Variants in CLMN observed in about 807,000 individuals in gnomAD.
CLMN encodes the protein calmin (calponin-like, transmembrane).
CLMN carries 57 observed loss-of-function variants against 92.7 expected under a neutral mutation model. The ratio of observed to expected loss-of-function variants is 0.61; its 90% confidence interval spans 0.50 to 0.77. The LOEUF (loss-of-function observed/expected upper bound fraction) is 0.77, where lower values mean the gene tolerates loss of function less well. CLMN is among the 30% of genes least tolerant of loss of function. The probability of loss-of-function intolerance (pLI) is 0.00; values close to 1 mark genes in which losing one functional copy is unlikely to be tolerated. For synonymous variants in CLMN, 466 were observed against 470.6 expected, an observed-to-expected ratio of 0.99 and a Z score of 0.13; for missense variants, 1,158 against 1,237.5, an observed-to-expected ratio of 0.94 and a Z score of 0.96.
chr14:95,238,153 G>A (rs928295063), intron 1 of CLMN, among the ~76,000 whole-genome samples: 4 of 152,094 alleles, frequency 2.6e-5, no homozygotes, highest in Admixed American at 2.0e-4. Context: ...CGACTCCCAC[G>A]GCCCACTGCC....
At chr14:95,286,283 T>C (rs990468823) in intron 1 of CLMN, among the ~76,000 whole-genome samples, 1 of 152,204 alleles carries the variant, frequency 6.6e-6, no homozygotes, top group African/African-American at 2.4e-5. Context: ...GTAATAGCCA[T>C]ACAATGGAAT....
chr14:95,292,687 G>T lies in CLMN; in HGVS notation c.82+27024C>A, dbSNP rs1900622482. ...CCAGGCTGGTGGTAGGGGAGGGTGG[G>T]GACCATTATGCTTGTGCCCCCACTA... On this transcript the variant is annotated intron_variant, in intron 1 of 12. Transcript: ENST00000298912. Among the ~76,000 whole-genome samples the T allele has an allele frequency of 2.6e-5, 4 of 152,018 alleles. No homozygotes were observed. The South Asian group carries it at 8.3e-4, about 32-fold the overall frequency.
chr14:95,288,782 A>C (rs1900441771), intron 1 of CLMN, among the ~76,000 whole-genome samples: 1 of 152,242 alleles, frequency 6.6e-6, no homozygotes, highest in African/African-American at 2.4e-5. Context: ...CAGCACATTC[A>C]TAATAGCCAA....
At chr14:95,304,010 G>A (rs1298064673) in intron 1 of CLMN, among the ~76,000 whole-genome samples, 2 of 152,180 alleles carry the variant, frequency 1.3e-5, no homozygotes, top group Non-Finnish European at 2.9e-5. Context: ...TAGCAAGAAG[G>A]ACCAGTGGTC....
intron 1 of CLMN, among the ~76,000 whole-genome samples, chr14:95,308,563 C>T (rs1901384649): frequency 6.6e-6 from 1 of 152,148 alleles, no homozygotes; most frequent in Non-Finnish European, 1.5e-5. Context: ...GTTCTCAGGG[C>T]TGATAATAAT....
intron 10 of CLMN, 132 bp downstream of exon 10, chr14:95,196,366 T>A (rs1454482236): frequency 1.4e-5 from 12 of 871,348 alleles, no homozygotes; most frequent in Non-Finnish European, 2.1e-5. Context: ...GAATGAGGAT[T>A]GTGTATGAAG....
chr14:95,264,974 C>T (rs1899414562), intron 1 of CLMN, among the ~76,000 whole-genome samples: 1 of 150,920 alleles, frequency 6.6e-6, no homozygotes, highest in Non-Finnish European at 1.5e-5. Flanking sequence ...GGTGTGGTTG[C>T]AGTGGCTCAT....
chr14:95,305,843 T>A (rs148118379), intron 1 of CLMN, among the ~76,000 whole-genome samples: 3,130 of 152,260 alleles, frequency 0.021, 34 homozygotes, highest in African/African-American at 0.028. Context: ...ACTTCACCCT[T>A]CTCTGTAGCT....
At chr14:95,204,903 A>G (rs1897004955) in intron 8 of CLMN, among the ~76,000 whole-genome samples, 1 of 152,178 alleles carries the variant, frequency 6.6e-6, no homozygotes, top group Admixed American at 6.5e-5. Flanking sequence ...ATCTTTATTG[A>G]TTGTGTGGGC....
chr14:95,254,141 C>T (rs1486426578), intron 1 of CLMN, among the ~76,000 whole-genome samples: 2 of 152,112 alleles, frequency 1.3e-5, no homozygotes, highest in Non-Finnish European at 2.9e-5. Context: ...ATCTATGTAA[C>T]GGGGGTGATG....
chr14:95,310,732 C>G (rs74077869), intron 1 of CLMN, among the ~76,000 whole-genome samples: 9,649 of 152,228 alleles, frequency 0.063, 323 homozygotes, highest in Middle Eastern at 0.095. Context: ...GGAGGGCACA[C>G]ACAGGGCCCA....
chr14:95,208,433 G>A (rs992323184), intron 8 of CLMN, among the ~76,000 whole-genome samples: 12 of 152,154 alleles, frequency 7.9e-5, no homozygotes, highest in African/African-American at 2.4e-4. Flanking sequence ...CTCTCACCAA[G>A]TATAATCTGG....
chr14:95,281,119 T>C (rs1319873722), intron 1 of CLMN, among the ~76,000 whole-genome samples: 2 of 152,208 alleles, frequency 1.3e-5, no homozygotes, highest in Non-Finnish European at 1.5e-5. Context: ...TAGACAGAAC[T>C]AATAAAAGTT....
At chr14:95,223,683 T>G in intron 3 of CLMN, 77 bp downstream of exon 3, 2 of 1,114,448 alleles carry the variant, frequency 1.8e-6, no homozygotes, top group African/African-American at 1.6e-5. Context: ...TGTCCAGGTA[T>G]TTGTGTTGAA....
At chr14:95,219,763 A>T (rs1013658507) in intron 4 of CLMN, among the ~76,000 whole-genome samples, 2 of 152,232 alleles carry the variant, frequency 1.3e-5, no homozygotes, top group Admixed American at 1.3e-4. Context: ...GCTTTTAATG[A>T]ACAGGGGGTA....
At chr14:95,197,382 TAG>T (rs201047116) in intron 9 of CLMN, among the ~76,000 whole-genome samples, 1 of 116,954 alleles carries the variant, frequency 8.6e-6, no homozygotes, top group African/African-American at 3.2e-5. Flanking sequence ...GGAAGGAAGA[TAG>T]AGAGAGAAAG....
At chr14:95,241,611 C>G (rs559313450) in intron 1 of CLMN, among the ~76,000 whole-genome samples, 1 of 152,280 alleles carries the variant, frequency 6.6e-6, no homozygotes, top group Admixed American at 6.5e-5. Flanking sequence ...CAAGAGGTGT[C>G]AAGTTCTCCT....
intron 3 of CLMN, chr14:95,222,379 G>C: frequency 3.1e-6 from 1 of 327,860 alleles, no homozygotes; most frequent in Non-Finnish European, 6.1e-6. Context: ...CTACATACCA[G>C]GAATACCATC....
At chr14:95,287,079 G>T (rs990032969) in intron 1 of CLMN, among the ~76,000 whole-genome samples, 6 of 152,196 alleles carry the variant, frequency 3.9e-5, no homozygotes, top group African/African-American at 1.4e-4. Context: ...TCCCAGCCTT[G>T]CCTGAAGGGC....
Sources: gnomAD v4.1 joint callset for allele counts (sites outside exome capture counted in the v4.1 genomes callset) on GRCh38, gnomAD v4.1.1 for gene constraint, MANE v1.5 for transcripts, NCBI Gene and HGNC (gene_info 2026-07-23, HGNC 2026-07-21) for gene names.